Variants in INPP5F observed in about 807,000 individuals in gnomAD.
INPP5F encodes phosphatidylinositide 4-phosphatase SAC2.
Under a neutral mutation model 137.2 loss-of-function variants are expected in INPP5F, and 97 were observed. The ratio of observed to expected loss-of-function variants is 0.71; its 90% confidence interval spans 0.60 to 0.84. The LOEUF is 0.84. INPP5F is among the 40% of genes least tolerant of loss of function. The pLI is 0.00. For synonymous variants in INPP5F, 504 were observed against 476.9 expected (o/e 1.06, Z -0.74); for missense variants, 1,271 against 1,371.9 (o/e 0.93, Z 1.16).
intron 2 of INPP5F, among the ~76,000 whole-genome samples, chr10:119,775,482 C>T (rs1278019126): frequency 3.3e-5 from 5 of 152,090 alleles, no homozygotes; most frequent in African/African-American, 1.2e-4. Context: ...CCAGGCTGGT[C>T]TTGAACTCCT....
At chr10:119,786,678 A>T (rs1168148312) in intron 3 of INPP5F, among the ~76,000 whole-genome samples, 1 of 146,714 alleles carries the variant, frequency 6.8e-6, no homozygotes, top group Non-Finnish European at 1.5e-5. Context: ...CCCCCTGCTA[A>T]TTTTTTTTTT....
At chr10:119,813,149 A>C (rs1025534695) in intron 15 of INPP5F, among the ~76,000 whole-genome samples, 16 of 152,236 alleles carry the variant, frequency 1.1e-4, no homozygotes, top group African/African-American at 3.6e-4. Context: ...GTAGGGTCAC[A>C]TTACACTTGA....
chr10:119,823,543 G>C (rs1851644108), intron 18 of INPP5F, among the ~76,000 whole-genome samples: 2 of 152,176 alleles, frequency 1.3e-5, no homozygotes, highest in Non-Finnish European at 2.9e-5. Flanking sequence ...TGTTGCCTTG[G>C]CATCTGTCAC....
At chr10:119,780,626 A>G (rs1849669849) in intron 2 of INPP5F, among the ~76,000 whole-genome samples, 1 of 152,184 alleles carries the variant, frequency 6.6e-6, no homozygotes, top group Non-Finnish European at 1.5e-5. Flanking sequence ...TAGCCTTATT[A>G]TGTACAGTCG....
chr10:119,793,534 G>C (rs1042614880), intron 6 of INPP5F: 1 of 151,134 alleles, frequency 6.6e-6, no homozygotes, highest in African/African-American at 2.4e-5. Context: ...AGATAAGAGA[G>C]AAAGGACAAA....
intron 15 of INPP5F, among the ~76,000 whole-genome samples, chr10:119,817,298 G>A (rs1441017780): frequency 6.6e-6 from 1 of 152,140 alleles, no homozygotes; most frequent in East Asian, 1.9e-4. Flanking sequence ...GAACATTTGT[G>A]TACAGGTTTT....
intron 15 of INPP5F, among the ~76,000 whole-genome samples, chr10:119,814,089 T>C (rs1851158824): frequency 6.6e-6 from 1 of 152,102 alleles, no homozygotes; most frequent in African/African-American, 2.4e-5. Flanking sequence ...TCTGTTCATC[T>C]TCTTTAATTA....
chr10:119,821,766 A>G lies in INPP5F; in HGVS notation c.1959-665A>G, dbSNP rs114031500. Among the ~76,000 whole-genome samples the G allele has an allele frequency of 3.8e-3, 570 of 150,266 alleles. 5 individuals are homozygous for G. Among genetic ancestry groups the G allele is most frequent in the African/African-American group, 0.013 (549 of 40,806 alleles). On this transcript the variant is annotated intron_variant, in intron 16 of 19. Transcript: ENST00000650623. The stretch of plus-strand genomic sequence containing the variant: ...TCTCTTGCTCTGTGTGTGTGTGCAC[A>G]CGCGCGCGCATGTGTTTGCCTTGTA...
intron 2 of INPP5F, among the ~76,000 whole-genome samples, chr10:119,757,782 C>A (rs1848893705): frequency 6.6e-6 from 1 of 151,404 alleles, no homozygotes; most frequent in South Asian, 2.1e-4. Context: ...CAGAGTGAGA[C>A]TCCATCTCAA....
intron 3 of INPP5F, among the ~76,000 whole-genome samples, chr10:119,790,184 C>A (rs943399850): frequency 2.0e-5 from 3 of 151,616 alleles, no homozygotes; most frequent in Non-Finnish European, 4.4e-5. Context: ...AGGAGAGGAG[C>A]GGAGGAGGAT....
Position 119,726,109 on chromosome 10 carries a change from G to C in INPP5F, c.-154G>C, listed in dbSNP as rs912880794. 1 of 399,198 alleles carries C rather than the reference G, an allele frequency of 2.5e-6. No homozygotes were observed. The highest frequency in any genetic ancestry group is 4.7e-5 in the Admixed American group (1 of 21,102). 24.7% of individuals were successfully genotyped at this position (399,198 alleles called of 1,614,324 possible). ...TGCCGGGGCGCGTTCTCCTCCTACC[G>C]GTCGGGTGCCCCGGGGCGTTCCCTC... On this transcript the variant is annotated 5_prime_UTR_variant, in exon 1 of 20. Coordinates refer to ENST00000650623, the MANE Select transcript of INPP5F (RefSeq NM_014937.4).
intron 2 of INPP5F, among the ~76,000 whole-genome samples, chr10:119,775,804 T>A (rs752719531): frequency 6.6e-6 from 1 of 152,052 alleles, no homozygotes; most frequent in Non-Finnish European, 1.5e-5. Context: ...AAGGGAAGTT[T>A]AAAAAAAATC....
At chr10:119,734,074 A>G (rs1848158035) in intron 1 of INPP5F, among the ~76,000 whole-genome samples, 1 of 152,224 alleles carries the variant, frequency 6.6e-6, no homozygotes, top group Non-Finnish European at 1.5e-5. Flanking sequence ...CAAATTTCTC[A>G]CTGTCATTTT....
intron 2 of INPP5F, among the ~76,000 whole-genome samples, chr10:119,773,383 G>T (rs148703599): frequency 2.6e-5 from 4 of 152,224 alleles, no homozygotes; most frequent in Non-Finnish European, 5.9e-5. Context: ...GTTTCGGGGC[G>T]ACATCTGCAG....
chr10:119,822,564 G>T, intron 17 of INPP5F, 60 bp downstream of exon 17: 1 of 746,596 alleles, frequency 1.3e-6, no homozygotes, highest in Non-Finnish European at 2.2e-6. Context: ...CCAAGAGGGG[G>T]TCAAATTATT....
At chr10:119,778,151 C>G (rs913145459) in intron 2 of INPP5F, among the ~76,000 whole-genome samples, 2 of 151,988 alleles carry the variant, frequency 1.3e-5, no homozygotes, top group Non-Finnish European at 2.9e-5. Context: ...GGATTACATA[C>G]GTGCACCACC....
chr10:119,752,796 T>C (rs1848725388), intron 2 of INPP5F, among the ~76,000 whole-genome samples: 1 of 152,078 alleles, frequency 6.6e-6, no homozygotes, highest in African/African-American at 2.4e-5. Context: ...ATAAATGATA[T>C]TAAGTTGTTT....
intron 15 of INPP5F, among the ~76,000 whole-genome samples, chr10:119,820,402 G>T (rs765849553): frequency 6.6e-6 from 1 of 152,182 alleles, no homozygotes; most frequent in Non-Finnish European, 1.5e-5. Context: ...TTCAAAAGAT[G>T]CCTTCCACAT....
At chr10:119,759,611 C>T (rs1418284638) in intron 2 of INPP5F, among the ~76,000 whole-genome samples, 1 of 152,160 alleles carries the variant, frequency 6.6e-6, no homozygotes, top group East Asian at 1.9e-4. Flanking sequence ...CTGCCTCGGC[C>T]TCCCAAAGTC....
Sources: allele counts gnomAD v4.1 joint callset (sites outside exome capture counted in the v4.1 genomes callset), GRCh38; gene constraint gnomAD v4.1.1; transcripts MANE v1.5; gene names NCBI Gene and HGNC (gene_info 2026-07-23, HGNC 2026-07-21).